FOXRED2: variants seen among roughly 807,000 people sequenced by gnomAD.
The protein encoded by FOXRED2 is FAD-dependent oxidoreductase domain-containing protein 2.
Under a neutral mutation model 52.5 loss-of-function variants are expected in FOXRED2, and 32 were observed. That is an observed-to-expected ratio of 0.61 (90% CI 0.46 to 0.82). FOXRED2 has a LOEUF of 0.82. Ranked by LOEUF, FOXRED2 falls within the 40% of genes least tolerant of loss-of-function variation. FOXRED2 has a pLI of 0.00. For missense variants in FOXRED2, 848 were observed against 937.5 expected (o/e 0.90, Z 1.25); for synonymous variants, 405 against 398.1 (o/e 1.02, Z -0.21).
chr22:36,492,084 C>G (rs1933770758), intron 8 of FOXRED2, among the ~76,000 whole-genome samples: 1 of 152,100 alleles, frequency 6.6e-6, no homozygotes, highest in South Asian at 2.1e-4. Flanking sequence ...ATATGACTTC[C>G]TGTTTATTTC....
Position 36,501,221 on chromosome 22 carries a change from G to A in FOXRED2, c.1216+20C>T. Reference sequence around the variant, plus strand: ...AGTGGTTCCGTCTGGGGACAGTTCTGCCTTCTCAGCTGGGCTCACCTGTGT... The same window carrying A: ...AGTGGTTCCGTCTGGGGACAGTTCTACCTTCTCAGCTGGGCTCACCTGTGT... On this transcript the variant is annotated intron_variant, in intron 5 of 8. Coordinates refer to ENST00000397224, the MANE Select transcript of FOXRED2 (RefSeq NM_001102371.2). The A allele has an allele frequency of 6.2e-7, 1 of 1,612,788 alleles. No individual in the cohort carries two copies. The highest frequency in any genetic ancestry group is 8.5e-7 in the Non-Finnish European group (1 of 1,179,460).
intron 8 of FOXRED2, among the ~76,000 whole-genome samples, chr22:36,491,818 A>T (rs370468204): frequency 6.6e-6 from 1 of 152,178 alleles, no homozygotes; most frequent in African/African-American, 2.4e-5. Context: ...AGACTAATAC[A>T]GTGAGAAAAA....
chr22:36,503,493 T>G (rs1394199901), intron 4 of FOXRED2, among the ~76,000 whole-genome samples: 1 of 151,746 alleles, frequency 6.6e-6, no homozygotes, highest in East Asian at 1.9e-4. Flanking sequence ...GTATTTTTAG[T>G]AGAGATGGGG....
chr22:36,505,983 G>A lies in FOXRED2; in HGVS notation c.440C>T (p.Ala147Val), dbSNP rs1272520396. ...TCGGTCCTTGTCCAGAGTGACGTGG[G>A]CGATGGTGGTGTTGTACTGGACACG... is the stretch of plus-strand genomic sequence containing the variant. ...GLRVQYNTTI[A>V]HVTLDKDRQA... The change falls in exon 2 of 9, where the codon GCC becomes GTC. Residue 147 changes from alanine to valine, a missense_variant. Coordinates refer to ENST00000397224, the MANE Select transcript of FOXRED2 (RefSeq NM_001102371.2). The A allele has an allele frequency of 1.2e-6, 2 of 1,614,230 alleles. No homozygotes were observed. The highest frequency in any genetic ancestry group is 1.7e-6 in the Non-Finnish European group (2 of 1,180,036).
At position 36,496,111 on chromosome 22, in the gene FOXRED2, C is replaced by T. The variant is rs769485576; in HGVS notation, c.1480G>A (p.Val494Ile). ...TTTCTGCCATATTCCATGTTGATGA[C>T]GAAGAGCCCGTGCTTTGCCTTCCTC... is the stretch of plus-strand genomic sequence containing the variant. ...TGRKAKHGLF[V>I]INMEYGRNFS... Residue 494 changes from valine (V) to isoleucine (I), a missense_variant, in exon 7 of 9, where the codon GTC (valine) becomes ATC (isoleucine). Val to Ile is a conservative substitution (Grantham distance 29). Transcript: ENST00000397224. 2.4e-5 allele frequency: 39 copies of T among 1,614,094 alleles called. No homozygotes were observed. Among genetic ancestry groups the T allele is most frequent in the Middle Eastern group, 1.6e-4 (1 of 6,076 alleles).
rs73169658 is a variant in FOXRED2, at chr22:36,493,069, C to A, written c.1795+564G>T. On this transcript the variant is annotated intron_variant, in intron 8 of 8. Coordinates refer to ENST00000397224, the MANE Select transcript of FOXRED2 (RefSeq NM_001102371.2). ...GAGTGTCTCTAAACAGGCCTCCCAT[C>A]CTGCTCCAGCTCTGTCTTCCCACCC... Among the ~76,000 whole-genome samples, 1,367 of 152,336 alleles carry A rather than the reference C, an allele frequency of 9.0e-3. 15 individuals are homozygous for A. The highest frequency in any genetic ancestry group is 0.042 in the East Asian group (218 of 5,176).
At chr22:36,505,842 G>T in intron 2 of FOXRED2, 54 bp downstream of exon 2, 1 of 1,572,048 alleles carries the variant, frequency 6.4e-7, no homozygotes. Flanking sequence ...AAGGTGTGTG[G>T]TTCGTGTGGG....
chr22:36,503,981 C>T (rs1934119387), intron 4 of FOXRED2, 117 bp downstream of exon 4: 1 of 1,129,100 alleles, frequency 8.9e-7, no homozygotes, highest in South Asian at 1.4e-5. Context: ...CACATCCATT[C>T]TTTGGGTGCT....
chr22:36,504,616 A>C lies in FOXRED2; in HGVS notation c.678T>G (p.Phe226Leu). 1 of 1,614,216 alleles carries C rather than the reference A, an allele frequency of 6.2e-7. No individual in the cohort carries two copies. The highest frequency in any genetic ancestry group is 2.2e-5 in the East Asian group (1 of 44,890). Residue 226 changes from phenylalanine (F) to leucine (L), a missense_variant, in exon 3 of 9, where the codon TTT (phenylalanine) becomes TTG (leucine). Phe to Leu is a conservative substitution (Grantham distance 22, BLOSUM62 0). Transcript: ENST00000397224. ...CACCCAAGATGTTCTCTGCTGTCTC[A>C]AAGGCCGAGTTCCCACGACCCAGGA... ...VLILGRGNSAFETAENILGVT... is the reference protein window; with the variant it reads ...VLILGRGNSALETAENILGVT...
intron 7 of FOXRED2, among the ~76,000 whole-genome samples, chr22:36,494,482 T>C (rs1199812839): frequency 6.6e-6 from 1 of 152,132 alleles, no homozygotes; most frequent in Non-Finnish European, 1.5e-5. Context: ...GCGAGGGGTC[T>C]CAGCACTCAT....
At chr22:36,502,280 C>G (rs1934077334) in intron 4 of FOXRED2, among the ~76,000 whole-genome samples, 1 of 152,190 alleles carries the variant, frequency 6.6e-6, no homozygotes, top group Non-Finnish European at 1.5e-5. Flanking sequence ...ACAGGCACAC[C>G]AGCTTCTCCT....
Position 36,496,201 on chromosome 22 carries a change from T to C in FOXRED2, c.1390A>G (p.Thr464Ala). Reference sequence around the variant, plus strand: ...AACTCCTCCAGGTACTCAAAGGCCGTGGAATTCCTGGGAGAACAGCAACGC... The same window carrying C: ...AACTCCTCCAGGTACTCAAAGGCCGCGGAATTCCTGGGAGAACAGCAACGC... ...ADVILLKENS[T>A]AFEYLEEFPI... Residue 464 changes from threonine to alanine, a missense_variant, in exon 7 of 9, where the codon ACG becomes GCG. Coordinates refer to ENST00000397224, the MANE Select transcript of FOXRED2 (RefSeq NM_001102371.2). 6.2e-7 allele frequency: 1 copy of C among 1,613,550 alleles called. No individual in the cohort carries two copies. Among genetic ancestry groups the C allele is most frequent in the South Asian group, 1.1e-5 (1 of 91,046 alleles).
rs1470282875 is a variant in FOXRED2 at position 36,490,138 on chromosome 22, C to T, written c.1925G>A (p.Arg642Gln). The T allele has an allele frequency of 6.2e-6, 10 of 1,614,052 alleles. No homozygotes were observed. The highest frequency in any genetic ancestry group is 3.3e-5 in the Admixed American group (2 of 60,020). The change falls in exon 9 of 9, where the codon CGG becomes CAG. Residue 642 changes from arginine to glutamine, a missense_variant. By Grantham distance (43) the Arg-to-Gln change is conservative. Transcript: ENST00000397224. ...WQHRVESRLL[R>Q]DYAPTGRRLE... ...GCGCCTGCCTGTGGGGGCATAGTCC[C>T]GCAGGAGCCTGCTCTCCACTCTGTG...
At position 36,493,631 on chromosome 22, in the gene FOXRED2, A is replaced by G. The variant is rs765247209; in HGVS notation, c.1795+2T>C. 5.2e-5 allele frequency: 84 copies of G among 1,613,430 alleles called. No homozygotes were observed. The highest frequency in any genetic ancestry group is 7.1e-5 in the Non-Finnish European group (84 of 1,179,580). On this transcript the variant is annotated splice_donor_variant, in intron 8 of 8. Coordinates refer to ENST00000397224, the MANE Select transcript of FOXRED2 (RefSeq NM_001102371.2). LOFTEE classifies it high-confidence loss of function. ...CTTTGTCTTTCTGGGAGCTTAAGTTACCTGCATAGAAGCTTCGCAAATCGG... is the reference window on the plus strand; with the variant it reads ...CTTTGTCTTTCTGGGAGCTTAAGTTGCCTGCATAGAAGCTTCGCAAATCGG...
chr22:36,498,250 C>T (rs566640650), intron 5 of FOXRED2, 94 bp from the exon 6 acceptor site: 73 of 1,433,774 alleles, frequency 5.1e-5, no homozygotes, highest in African/African-American at 4.2e-4. Flanking sequence ...CCCCTGAGAA[C>T]GCCATACACA....
rs908225666 is a variant in FOXRED2, at chr22:36,487,294, G to C, written c.*2714C>G. ...GGGAGGGGAATGGGTTCTTATCCCT[G>C]ATGCAGGTACCCCCTACTGCTGTGT... On this transcript the variant is annotated 3_prime_UTR_variant, in exon 9 of 9. Transcript: ENST00000397224. 5.3e-5 allele frequency: 8 copies of C among 152,264 alleles called. No homozygotes were observed. Among genetic ancestry groups the C allele is most frequent in the African/African-American group, 1.9e-4 (8 of 41,452 alleles). 9.4% of individuals were successfully genotyped at this position (152,264 alleles called of 1,614,324 possible).
chr22:36,505,929 A>G lies in FOXRED2; in HGVS notation c.494T>C (p.Leu165Pro), dbSNP rs769626454. 3.0e-5 allele frequency: 49 copies of G among 1,613,878 alleles called. No homozygotes were observed. The highest frequency in any genetic ancestry group is 3.3e-5 in the Non-Finnish European group (39 of 1,179,846). The change falls in exon 2 of 9, where the codon CTA becomes CCA. Residue 165 changes from leucine to proline, a missense_variant. Physicochemically the swap from Leu to Pro is moderately conservative, Grantham distance 98. Coordinates refer to ENST00000397224, the MANE Select transcript of FOXRED2 (RefSeq NM_001102371.2). ...ATGCACCTGGCCCTTCTGGTCAGTTAGGATGAAGTAGTGGCCATTCCAGGC... is the reference window on the plus strand; with the variant it reads ...ATGCACCTGGCCCTTCTGGTCAGTTGGGATGAAGTAGTGGCCATTCCAGGC... ...RQAWNGHYFI[L>P]TDQKGQVHQC...
chr22:36,495,144 A>G (rs1933863208), intron 7 of FOXRED2, among the ~76,000 whole-genome samples: 1 of 151,848 alleles, frequency 6.6e-6, no homozygotes, highest in Non-Finnish European at 1.5e-5. Context: ...ATGTTTTTTT[A>G]GAGATGGGGT....
chr22:36,501,371 C>G lies in FOXRED2; in HGVS notation c.1086G>C (p.Lys362Asn). 6.2e-7 allele frequency: 1 copy of G among 1,614,142 alleles called. No individual in the cohort carries two copies. Among genetic ancestry groups the G allele is most frequent in the Non-Finnish European group, 8.5e-7 (1 of 1,180,026 alleles). ...AGCTAGCTCGAATCAGCGGGTACTT[C>G]TTGCCGAATGCATTTCCCGAGTTAA... The part of the protein sequence containing the change: ...LRLNSGNAFG[K>N]KYPLIRASYE... The change falls in exon 5 of 9, where the codon AAG becomes AAC. Residue 362 changes from lysine to asparagine, a missense_variant. Transcript: ENST00000397224.
Sources: gnomAD v4.1 joint callset for allele counts (sites outside exome capture counted in the v4.1 genomes callset) on GRCh38, gnomAD v4.1.1 for gene constraint, MANE v1.5 for transcripts, NCBI Gene and HGNC (gene_info 2026-07-23, HGNC 2026-07-21) for gene names.